KCNQ3: variants seen among roughly 807,000 people sequenced by gnomAD.
The protein encoded by KCNQ3 is potassium voltage-gated channel subfamily KQT member 3.
Under a neutral mutation model 92.5 loss-of-function variants are expected in KCNQ3, and 30 were observed. The observed-to-expected ratio is 0.32, with a 90% confidence interval of 0.24 to 0.44. The LOEUF (loss-of-function observed/expected upper bound fraction) is 0.44. Ranked by LOEUF, KCNQ3 falls within the 20% of genes least tolerant of loss-of-function variation. KCNQ3 has a pLI of 1.00. For missense variants in KCNQ3, 913 were observed against 1,140.3 expected, an observed-to-expected ratio of 0.80 and a Z score of 2.87; for synonymous variants, 450 against 468.8, an observed-to-expected ratio of 0.96 and a Z score of 0.52.
intron 1 of KCNQ3, among the ~76,000 whole-genome samples, chr8:132,193,139 C>T (rs966140664): frequency 3.9e-5 from 6 of 152,164 alleles, no homozygotes; most frequent in Admixed American, 2.0e-4. Context: ...CAAGGGTTTG[C>T]GGCCAGGAGT....
At chr8:132,191,780 A>G (rs2130220190) in intron 1 of KCNQ3, among the ~76,000 whole-genome samples, 1 of 152,082 alleles carries the variant, frequency 6.6e-6, no homozygotes, top group Non-Finnish European at 1.5e-5. Context: ...TGGAGAGATG[A>G]CAAGGGTCCC....
At chr8:132,412,423 C>T (rs1820675838) in intron 1 of KCNQ3, among the ~76,000 whole-genome samples, 3 of 152,176 alleles carry the variant, frequency 2.0e-5, no homozygotes, top group Admixed American at 2.0e-4. Flanking sequence ...GGTGAGGAAG[C>T]AGAGTGTACT....
chr8:132,131,638 T>C (rs1165191787), intron 14 of KCNQ3, among the ~76,000 whole-genome samples: 1 of 152,198 alleles, frequency 6.6e-6, no homozygotes, highest in Non-Finnish European at 1.5e-5. Flanking sequence ...TAATAGGGTA[T>C]TATAATCCCC....
intron 8 of KCNQ3, among the ~76,000 whole-genome samples, chr8:132,165,281 T>G (rs1353785160): frequency 6.6e-6 from 1 of 152,210 alleles, no homozygotes; most frequent in African/African-American, 2.4e-5. Flanking sequence ...TTATCTTCAC[T>G]ACCCTTATGA....
chr8:132,174,220 A>T lies in KCNQ3; in HGVS notation c.1044+19T>A, dbSNP rs1272397959. 1.3e-6 allele frequency: 2 copies of T among 1,526,176 alleles called. No homozygotes were observed. The highest frequency in any genetic ancestry group is 1.8e-6 in the Non-Finnish European group (2 of 1,124,948). 94.5% of individuals were successfully genotyped at this position (1,526,176 alleles called of 1,614,324 possible). On this transcript the variant is annotated intron_variant, in intron 6 of 14. Coordinates refer to ENST00000388996, the MANE Select transcript of KCNQ3 (RefSeq NM_004519.4). ...TCCTGCACGTCACATTGGGGATGTC[A>T]TATATCAAAGGTACTTACCGCTGGA...
chr8:132,338,033 G>A (rs927377024), intron 1 of KCNQ3, among the ~76,000 whole-genome samples: 2 of 152,144 alleles, frequency 1.3e-5, no homozygotes, highest in Admixed American at 6.5e-5. Flanking sequence ...AAAACTTATG[G>A]GCAAATCTCA....
At position 132,170,327 on chromosome 8, in the gene KCNQ3, C is replaced by T; in HGVS notation, c.1235+7G>A. On this transcript the variant is annotated splice_region_variant and intron_variant, in intron 8 of 14. Transcript: ENST00000388996. ...CGCCCTGAGCATTCAGGTGAGTCCC[C>T]ACTTGCCTGAAGAAAGGAAAAGAGA... 1 of 1,605,626 alleles carries T rather than the reference C, an allele frequency of 6.2e-7. No homozygotes were observed. The highest frequency in any genetic ancestry group is 8.5e-7 in the Non-Finnish European group (1 of 1,172,430).
chr8:132,445,181 C>T (rs1484528362), intron 1 of KCNQ3, among the ~76,000 whole-genome samples: 1 of 152,180 alleles, frequency 6.6e-6, no homozygotes, highest in Non-Finnish European at 1.5e-5. Context: ...AGCCAAGTCC[C>T]AAATGCTCTT....
In KCNQ3 at chr8:132,255,336, T is replaced by C. The variant is rs915163060; in HGVS notation, c.387-69155A>G. On this transcript the variant is annotated intron_variant, in intron 1 of 14. Coordinates refer to ENST00000388996, the MANE Select transcript of KCNQ3 (RefSeq NM_004519.4). ...GAACTTTCCCAAAGAGGGCAGACTT[T>C]TCCCTCAGAGAAGTTTGTTGAAAAC... Among the ~76,000 whole-genome samples the C allele has an allele frequency of 7.2e-5, 11 of 152,348 alleles. No homozygotes were observed. The East Asian group carries it at 1.9e-3, about 27-fold the overall frequency.
intron 1 of KCNQ3, among the ~76,000 whole-genome samples, chr8:132,290,335 C>A (rs989083000): frequency 6.6e-6 from 1 of 152,126 alleles, no homozygotes; most frequent in African/African-American, 2.4e-5. Context: ...GGAGGCCATT[C>A]CAGGTAGAAG....
intron 1 of KCNQ3, among the ~76,000 whole-genome samples, chr8:132,328,772 T>C (rs370792867): frequency 2.0e-5 from 3 of 152,310 alleles, no homozygotes; most frequent in African/African-American, 7.2e-5. Context: ...TTATAGTTTC[T>C]GGTTCCTAAA....
chr8:132,265,685 G>A (rs775741257), intron 1 of KCNQ3, among the ~76,000 whole-genome samples: 36 of 152,150 alleles, frequency 2.4e-4, no homozygotes, highest in Non-Finnish European at 4.6e-4. Context: ...TCAAATTGAC[G>A]TCATAGCACA....
intron 1 of KCNQ3, among the ~76,000 whole-genome samples, chr8:132,353,504 C>T (rs1053274047): frequency 1.1e-4 from 16 of 152,192 alleles, no homozygotes; most frequent in Admixed American, 2.6e-4. Context: ...TAATCACTTA[C>T]GGTCTCATTT....
chr8:132,345,309 A>G (rs2130693851), intron 1 of KCNQ3, among the ~76,000 whole-genome samples: 1 of 152,344 alleles, frequency 6.6e-6, no homozygotes, highest in Admixed American at 6.5e-5. Flanking sequence ...TAAAAAGTGC[A>G]ATGAAGGTGA....
intron 1 of KCNQ3, among the ~76,000 whole-genome samples, chr8:132,408,993 C>T (rs1820575687): frequency 6.6e-6 from 1 of 152,204 alleles, no homozygotes; most frequent in South Asian, 2.1e-4. Context: ...CATGTGAGGA[C>T]TTCTGACCTA....
chr8:132,172,749 C>T (rs553463608), intron 6 of KCNQ3, 56 bp from the exon 7 acceptor site: 88 of 1,272,994 alleles, frequency 6.9e-5, no homozygotes, highest in Non-Finnish European at 9.5e-5. Flanking sequence ...CCAGCATTCC[C>T]GCTCCATTGC....
intron 1 of KCNQ3, among the ~76,000 whole-genome samples, chr8:132,270,418 T>A (rs566511480): frequency 1.8e-4 from 27 of 152,360 alleles, no homozygotes; most frequent in African/African-American, 6.5e-4. Flanking sequence ...GCTGTCCTTC[T>A]AAGAACTGTG....
At position 132,371,784 on chromosome 8, in the gene KCNQ3, T is replaced by C. The variant is rs113775915; in HGVS notation, c.386+108363A>G. ...ATCCTCCCAAGCACTAGCTCCAACATGAACAGTCAATAATTCCAAAGTAAA... is the reference window on the plus strand; with the variant it reads ...ATCCTCCCAAGCACTAGCTCCAACACGAACAGTCAATAATTCCAAAGTAAA... On this transcript the variant is annotated intron_variant, in intron 1 of 14. Coordinates refer to ENST00000388996, the MANE Select transcript of KCNQ3 (RefSeq NM_004519.4). Among the ~76,000 whole-genome samples, 476 of 152,278 alleles carry C rather than the reference T, an allele frequency of 3.1e-3. 7 individuals carry two copies. Among genetic ancestry groups the C allele is most frequent in the African/African-American group, 0.011 (454 of 41,544 alleles).
At chr8:132,475,985 G>A (rs1334651053) in intron 1 of KCNQ3, among the ~76,000 whole-genome samples, 1 of 152,222 alleles carries the variant, frequency 6.6e-6, no homozygotes, top group Non-Finnish European at 1.5e-5. Flanking sequence ...TGGACTTGGT[G>A]CCCTGTGTCC....
Sources: gnomAD v4.1 joint callset for allele counts (sites outside exome capture counted in the v4.1 genomes callset) on GRCh38, gnomAD v4.1.1 for gene constraint, MANE v1.5 for transcripts, NCBI Gene and HGNC (gene_info 2026-07-23, HGNC 2026-07-21) for gene names.